PCBP3: variants seen among roughly 807,000 people sequenced by gnomAD.
PCBP3 encodes the protein poly(rC)-binding protein 3.
A neutral mutation model predicts 52.7 loss-of-function variants in PCBP3; 25 were observed. The observed-to-expected ratio is 0.47, with a 90% confidence interval of 0.35 to 0.66. The LOEUF (loss-of-function observed/expected upper bound fraction) is 0.66, where lower values mean the gene tolerates loss of function less well. Among genes scored for constraint, PCBP3 ranks in the 30% least tolerant of loss-of-function variants. PCBP3 has a pLI of 0.01. For synonymous variants in PCBP3, 162 were observed against 183.0 expected (o/e 0.89, Z 0.93); for missense variants, 391 against 490.3 (o/e 0.80, Z 1.91).
rs1374894425 is a variant in PCBP3 at position 45,932,360 on chromosome 21, C to CACCT, written c.856+1516_856+1519dup. ...GCCATGCTGTCCTGAGATGAGTGAACACCTGGTCCATGCCATCCTGAGATG... is the reference window on the plus strand; with the variant it reads ...GCCATGCTGTCCTGAGATGAGTGAACACCTACCTGGTCCATGCCATCCTGAGATG... On this transcript the variant is annotated intron_variant, in intron 15 of 17. Transcript: ENST00000681687. Among the ~76,000 whole-genome samples, 3 of 152,042 alleles carry CACCT rather than the reference C, an allele frequency of 2.0e-5. No homozygotes were observed. In the East Asian group the frequency reaches 5.8e-4, roughly 30 times the overall value.
At position 45,925,284 on chromosome 21, in the gene PCBP3, C is replaced by T. The variant is rs539023703; in HGVS notation, c.718-4633C>T. Among the ~76,000 whole-genome samples, 13 of 152,256 alleles carry T rather than the reference C, an allele frequency of 8.5e-5. No individual in the cohort carries two copies. In the South Asian group the frequency reaches 1.9e-3, roughly 22 times the overall value. ...ACACTGAGTGTAGACTCTCAACGCA[C>T]ATGTTAAAGTTTCAATGACCACTAA... is the stretch of plus-strand genomic sequence containing the variant. On this transcript the variant is annotated intron_variant, in intron 13 of 17. Transcript: ENST00000681687.
At chr21:45,700,724 T>C (rs2083070750) in intron 2 of PCBP3, among the ~76,000 whole-genome samples, 1 of 152,214 alleles carries the variant, frequency 6.6e-6, no homozygotes, top group Admixed American at 6.5e-5. Context: ...GGCTGTAACC[T>C]GCCAGACTGC....
At chr21:45,748,743 C>T (rs1467590472) in intron 3 of PCBP3, among the ~76,000 whole-genome samples, 1 of 152,224 alleles carries the variant, frequency 6.6e-6, no homozygotes, top group Non-Finnish European at 1.5e-5. Flanking sequence ...TCATCGTTCC[C>T]TTGTGTTAAG....
chr21:45,700,915 A>G (rs1221018950), intron 2 of PCBP3, among the ~76,000 whole-genome samples: 2 of 152,072 alleles, frequency 1.3e-5, no homozygotes, highest in African/African-American at 2.4e-5. Flanking sequence ...CTCCTAAAGT[A>G]CTGAAAAAAA....
rs146463628 is a variant in PCBP3 at position 45,721,281 on chromosome 21, C to T, written c.-199-14111C>T. Among the ~76,000 whole-genome samples the T allele has an allele frequency of 5.1e-4, 77 of 152,054 alleles. 6 individuals are homozygous for T. In the East Asian group the frequency reaches 0.015, roughly 29 times the overall value. On this transcript the variant is annotated intron_variant, in intron 2 of 17. Transcript: ENST00000681687. ...TACAAAAATTAGCCAGGCATGGTGG[C>T]GGGTGCCTGTAGTCCCAGCTACTCG...
At chr21:45,768,338 T>C (rs1450931871) in intron 4 of PCBP3, among the ~76,000 whole-genome samples, 1 of 152,234 alleles carries the variant, frequency 6.6e-6, no homozygotes, top group African/African-American at 2.4e-5. Flanking sequence ...ACGTCTGTTA[T>C]ATTGTGTTAT....
At chr21:45,740,738 CGT>C (rs201442398) in intron 3 of PCBP3, among the ~76,000 whole-genome samples, 15 of 150,658 alleles carry the variant, frequency 1.0e-4, no homozygotes, top group South Asian at 2.1e-4. Context: ...TGCACGCATG[CGT>C]GTGTGTGTGG....
chr21:45,741,617 C>G lies in PCBP3; in HGVS notation c.-162+6188C>G, dbSNP rs528965213. ...GGGTAGGGCCACTGCTTTTCATAAG[C>G]TTTATCGAATTATTTGCTTTTAAAA... is the stretch of plus-strand genomic sequence containing the variant. On this transcript the variant is annotated intron_variant, in intron 3 of 17. Coordinates refer to ENST00000681687, the MANE Select transcript of PCBP3 (RefSeq NM_001384156.1). The surrounding 1 kb of genome is among the most constrained non-coding windows in gnomAD (Gnocchi z 4.5). 1.3e-5 allele frequency among the ~76,000 whole-genome samples: 2 copies of G among 152,158 alleles called. No individual in the cohort carries two copies. The highest frequency in any genetic ancestry group is 4.2e-4 in the South Asian group (2 of 4,814).
At chr21:45,832,998 C>T (rs545604506) in intron 4 of PCBP3, among the ~76,000 whole-genome samples, 13 of 152,272 alleles carry the variant, frequency 8.5e-5, no homozygotes, top group Middle Eastern at 3.4e-3. Context: ...TCACCTCCCG[C>T]CAGGTCCCTC....
rs114536865 is a variant in PCBP3, at chr21:45,940,113, C to A, written c.993C>A (p.Asn331Lys). 2.2e-5 allele frequency: 35 copies of A among 1,614,162 alleles called. No individual in the cohort carries two copies. The highest frequency in any genetic ancestry group is 2.8e-5 in the Non-Finnish European group (33 of 1,180,006). The change falls in exon 17 of 18, where the codon AAC becomes AAA. Residue 331 changes from asparagine (N) to lysine (K), a missense_variant. Physicochemically the swap from Asn to Lys is moderately conservative, Grantham distance 94. Transcript: ENST00000681687. ...CTGGAGCTCAGATCAAAATCGCCAACGCCACGGAAGGGTCCTCAGAGCGTC... is the reference window on the plus strand; with the variant it reads ...CTGGAGCTCAGATCAAAATCGCCAAAGCCACGGAAGGGTCCTCAGAGCGTC... ...QMSGAQIKIANATEGSSERQI... is the reference protein window; with the variant it reads ...QMSGAQIKIAKATEGSSERQI...
intron 2 of PCBP3, among the ~76,000 whole-genome samples, chr21:45,698,241 T>A (rs2082905647): frequency 6.6e-6 from 1 of 152,180 alleles, no homozygotes; most frequent in African/African-American, 2.4e-5. Flanking sequence ...TTCTCCAAAG[T>A]GCCCACCTCT....
intron 15 of PCBP3, among the ~76,000 whole-genome samples, chr21:45,934,413 A>G (rs1010410988): frequency 6.6e-6 from 1 of 152,098 alleles, no homozygotes; most frequent in Non-Finnish European, 1.5e-5. Context: ...ATGGACTTGA[A>G]CTCTGAGAGG....
chr21:45,658,082 C>T (rs1490719228), intron 1 of PCBP3, among the ~76,000 whole-genome samples: 1 of 152,166 alleles, frequency 6.6e-6, no homozygotes, highest in African/African-American at 2.4e-5. Flanking sequence ...AATTTCCCTT[C>T]TATCCCTATT....
At chr21:45,691,911 C>T (rs189052312) in intron 2 of PCBP3, among the ~76,000 whole-genome samples, 1 of 152,276 alleles carries the variant, frequency 6.6e-6, no homozygotes, top group Admixed American at 6.5e-5. Context: ...TGGAACTGTG[C>T]AAGAAGCCAG....
intron 4 of PCBP3, among the ~76,000 whole-genome samples, chr21:45,757,056 G>GT (rs1264266398): frequency 2.0e-5 from 3 of 152,202 alleles, no homozygotes; most frequent in Non-Finnish European, 4.4e-5. Context: ...AGAAGTAGAA[G>GT]TGTAGTGTCA....
intron 16 of PCBP3, among the ~76,000 whole-genome samples, chr21:45,938,263 C>T (rs1050315212): frequency 2.0e-5 from 3 of 152,346 alleles, no homozygotes; most frequent in East Asian, 3.9e-4. Context: ...CGCGCTCCAG[C>T]GCAGAAAGTG....
rs1290940265 is a variant in PCBP3, at chr21:45,910,994, C to G, written c.564C>G (p.Ile188Met). ...TCTCGGGGACCCCAGATGCCATCAT[C>G]CAGTGCGTCAAGCAGATCTGTGTGG... The part of the protein sequence containing the change: ...VTISGTPDAI[I>M]QCVKQICVVM... The change falls in exon 11 of 18, where the codon ATC (isoleucine) becomes ATG (methionine). Residue 188 changes from isoleucine to methionine, a missense_variant. Coordinates refer to ENST00000681687, the MANE Select transcript of PCBP3 (RefSeq NM_001384156.1). The G allele has an allele frequency of 6.2e-6, 10 of 1,611,926 alleles. No homozygotes were observed. The highest frequency in any genetic ancestry group is 8.5e-6 in the Non-Finnish European group (10 of 1,179,940).
chr21:45,777,479 T>C (rs1484747036), intron 4 of PCBP3, among the ~76,000 whole-genome samples: 9 of 152,190 alleles, frequency 5.9e-5, no homozygotes, highest in Admixed American at 5.9e-4. Context: ...ACTTGAAAAG[T>C]TTTCATCTAT....
chr21:45,816,498 C>T lies in PCBP3; in HGVS notation c.-125-33463C>T, dbSNP rs1267962736. 6.1e-3 allele frequency among the ~76,000 whole-genome samples: 336 copies of T among 55,224 alleles called. 12 individuals carry two copies. Among genetic ancestry groups the T allele is most frequent in the African/African-American group, 0.025 (325 of 12,748 alleles). The allele number at this position is 55,224 out of a possible 152,430, so 36.2% of individuals were successfully genotyped here. The stretch of plus-strand genomic sequence containing the variant: ...CCCTCCTCCCCCTCCTCCTCCCCTT[C>T]CCCCTCCCCTCCCCTCCCCTCCCCT... On this transcript the variant is annotated intron_variant, in intron 4 of 17. Coordinates refer to ENST00000681687, the MANE Select transcript of PCBP3 (RefSeq NM_001384156.1).
Sources: allele counts gnomAD v4.1 joint callset (sites outside exome capture counted in the v4.1 genomes callset), GRCh38; gene constraint gnomAD v4.1.1; non-coding constraint Gnocchi (gnomAD v3.1); transcripts MANE v1.5; gene names NCBI Gene and HGNC (gene_info 2026-07-23, HGNC 2026-07-21).